The following S1PR5 variants were observed in gnomAD, a reference collection of about 807,000 sequenced individuals.
S1PR5 encodes sphingosine-1-phosphate receptor 5.
For missense variants in S1PR5, 583 were observed against 571.7 expected, an observed-to-expected ratio of 1.02 and a Z score of -0.20; for synonymous variants, 307 against 284.7, an observed-to-expected ratio of 1.08 and a Z score of -0.79.
At chr19:10,517,646 C>T (rs1915470895), upstream of S1PR5, 8 of 985,286 alleles carry the variant, frequency 8.1e-6, no homozygotes, top group South Asian at 2.8e-4. Context: ...CCCTCAGCTG[C>T]CCCCTCCGGG....
intron 1 of S1PR5, among the ~76,000 whole-genome samples, chr19:10,515,981 T>G (rs779705493): frequency 8.6e-5 from 13 of 151,866 alleles, no homozygotes; most frequent in Admixed American, 1.3e-4. Flanking sequence ...GACGTAACAG[T>G]AAACACACAG....
rs1423796862 is a variant in S1PR5, at chr19:10,514,070, G to C, written c.942C>G (p.Arg314=). 6.2e-7 allele frequency: 1 copy of C among 1,612,536 alleles called. No individual in the cohort carries two copies. Among genetic ancestry groups the C allele is most frequent in the Non-Finnish European group, 8.5e-7 (1 of 1,179,756 alleles). ...AGCAGACCAGGCGCAGGAGCGCGTG[G>C]CGCAGGTCGCGGTTGGTGAGCGTGT... ...IIYTLTNRDL[R]HALLRLVCCG... Residue 314 remains arginine, a synonymous_variant, in exon 2 of 2, where the codon CGC becomes CGG. Coordinates refer to ENST00000333430, the MANE Select transcript of S1PR5 (RefSeq NM_030760.5).
intron 1 of S1PR5, 52 bp from the exon 2 acceptor site, chr19:10,515,081 C>G (rs1364019933): frequency 1.3e-6 from 2 of 1,502,820 alleles, no homozygotes; most frequent in Admixed American, 2.2e-5. Flanking sequence ...TAAGCACGCT[C>G]GCAGCAGCCG....
chr19:10,516,832 TC>T (rs745975252), intron 1 of S1PR5, among the ~76,000 whole-genome samples: 3 of 152,046 alleles, frequency 2.0e-5, no homozygotes, highest in African/African-American at 4.8e-5. Context: ...AAGAAATGCT[TC>T]GTATCGAAGC....
Position 10,513,581 on chromosome 19 carries a change from G to A in S1PR5, c.*234C>T, listed in dbSNP as rs1448075017. 2 of 610,650 alleles carry A rather than the reference G, an allele frequency of 3.3e-6. No homozygotes were observed. The highest frequency in any genetic ancestry group is 1.9e-5 in the African/African-American group (1 of 51,592). 37.8% of individuals were successfully genotyped at this position (610,650 alleles called of 1,614,324 possible). On this transcript the variant is annotated 3_prime_UTR_variant, in exon 2 of 2. Transcript: ENST00000333430. ...ATCACCATCTCTGTCGTTTGTCACT[G>A]GAATCATCTCCATTATTTCATCACC...
upstream of S1PR5, chr19:10,517,556 G>C: frequency 1.0e-6 from 1 of 985,442 alleles, no homozygotes; most frequent in East Asian, 1.1e-4. Context: ...TTGGGTCCCG[G>C]GCACTCAGCC....
Position 10,515,166 on chromosome 19 carries a change from T to A in S1PR5, c.-18-137A>T, listed in dbSNP as rs1031384490. ...ATGGTGTCCAAGGGGGAGTTCAGGA[T>A]GGAGGGATAGAGTCCGTGGAGACAG... On this transcript the variant is annotated intron_variant, in intron 1 of 1. Coordinates refer to ENST00000333430, the MANE Select transcript of S1PR5 (RefSeq NM_030760.5). 1.1e-5 allele frequency: 13 copies of A among 1,145,848 alleles called. No homozygotes were observed. In the African/African-American group the frequency reaches 2.0e-4, roughly 18 times the overall value. The allele number at this position is 1,145,848 out of a possible 1,614,324, so 71.0% of individuals were successfully genotyped here. A position where few individuals can be genotyped will look rare whatever the true frequency, so the allele number is the denominator to read the frequency against.
At chr19:10,517,662 G>A (rs1229156851), upstream of S1PR5, 7 of 985,318 alleles carry the variant, frequency 7.1e-6, no homozygotes, top group Non-Finnish European at 7.2e-6. Context: ...CCGGGCCTGG[G>A]CTGTCCTCCC....
upstream of S1PR5, chr19:10,517,741 G>T (rs1915472190): frequency 1.0e-6 from 1 of 973,396 alleles, no homozygotes; most frequent in Middle Eastern, 5.2e-4. Flanking sequence ...CAGGGCGGTC[G>T]CAGCCTGAGC....
intron 1 of S1PR5, 103 bp from the exon 2 acceptor site, chr19:10,515,132 C>CCCCT: frequency 7.0e-7 from 1 of 1,438,246 alleles, no homozygotes; most frequent in Non-Finnish European, 9.2e-7. Context: ...TGACCATCAC[C>CCCCT]CCCTATACAT....
At chr19:10,516,839 G>C (rs956396593) in intron 1 of S1PR5, among the ~76,000 whole-genome samples, 1 of 152,042 alleles carries the variant, frequency 6.6e-6, no homozygotes, top group African/African-American at 2.4e-5. Context: ...GCTTCGTATC[G>C]AAGCAGGCGC....
chr19:10,517,663 C>G, upstream of S1PR5: 7 of 985,426 alleles, frequency 7.1e-6, 1 homozygote, highest in Non-Finnish European at 8.4e-6. Context: ...CGGGCCTGGG[C>G]TGTCCTCCCA....
At chr19:10,516,452 T>G (rs954667979) in intron 1 of S1PR5, among the ~76,000 whole-genome samples, 1 of 151,416 alleles carries the variant, frequency 6.6e-6, no homozygotes, top group Non-Finnish European at 1.5e-5. Context: ...CAAAAAAATT[T>G]AAAAATTAGC....
In S1PR5 at chr19:10,514,056, C is replaced by G; in HGVS notation, c.956G>C (p.Arg319Pro). ...TNRDLRHALL[R>P]LVCCGRHSCG... ...GGAGTGGCGTCCGCAGCAGACCAGG[C>G]GCAGGAGCGCGTGGCGCAGGTCGCG... The change falls in exon 2 of 2, where the codon CGC becomes CCC. Residue 319 changes from arginine to proline, a missense_variant. Arg to Pro is a moderately radical substitution (Grantham distance 103, BLOSUM62 -2). Transcript: ENST00000333430. The G allele has an allele frequency of 1.2e-6, 2 of 1,612,196 alleles. No individual in the cohort carries two copies. Among genetic ancestry groups the G allele is most frequent in the Non-Finnish European group, 1.7e-6 (2 of 1,179,706 alleles).
chr19:10,515,022 C>A lies in S1PR5; in HGVS notation c.-11G>T. ...CAGCCCCGACTCCATGGGCCGCGCG[C>A]CCCAAGGCTGTTGGAGAGGCAAGAT... is the stretch of plus-strand genomic sequence containing the variant. On this transcript the variant is annotated 5_prime_UTR_variant, in exon 2 of 2. Coordinates refer to ENST00000333430, the MANE Select transcript of S1PR5 (RefSeq NM_030760.5). 1 of 1,536,454 alleles carries A rather than the reference C, an allele frequency of 6.5e-7. No homozygotes were observed. Among genetic ancestry groups the A allele is most frequent in the Non-Finnish European group, 8.7e-7 (1 of 1,148,846 alleles).
chr19:10,515,588 A>G (rs969646481), intron 1 of S1PR5, among the ~76,000 whole-genome samples: 13 of 151,958 alleles, frequency 8.6e-5, no homozygotes, highest in African/African-American at 3.1e-4. Flanking sequence ...ACTCCAACCT[A>G]GGTGGCAGAG....
chr19:10,517,606 C>T (rs927469437), upstream of S1PR5: 76 of 985,104 alleles, frequency 7.7e-5, no homozygotes, highest in Admixed American at 1.2e-4. Context: ...GGCACCGGAG[C>T]GCGCCCCGGC....
At chr19:10,517,759 C>T (rs550638538), upstream of S1PR5, 2 of 943,844 alleles carry the variant, frequency 2.1e-6, no homozygotes, top group Admixed American at 6.2e-5. Flanking sequence ...AGCCTCTTCT[C>T]CCCAGCGGAG....
chr19:10,517,575 C>T (rs1056312851), upstream of S1PR5: 1 of 985,366 alleles, frequency 1.0e-6, no homozygotes, highest in Non-Finnish European at 1.2e-6. Context: ...CCCATGGCTG[C>T]CAGCCTGTGC....
Sources: gnomAD v4.1 joint callset for allele counts (sites outside exome capture counted in the v4.1 genomes callset) on GRCh38, gnomAD v4.1.1 for gene constraint, MANE v1.5 for transcripts, NCBI Gene and HGNC (gene_info 2026-07-23, HGNC 2026-07-21) for gene names.